Variants in RPL23 observed in about 807,000 individuals in gnomAD.
RPL23 encodes the protein ribosomal protein L23, also known as large ribosomal subunit protein uL14.
For synonymous variants in RPL23, 63 were observed against 65.3 expected (o/e 0.97, Z 0.17); for missense variants, 79 against 178.8 (o/e 0.44, Z 3.18).
chr17:38,852,818 G>A, intron 2 of RPL23, 86 bp from the exon 3 acceptor site: 1 of 1,590,900 alleles, frequency 6.3e-7, no homozygotes, highest in Non-Finnish European at 8.6e-7. Context: ...CACTTCCAAA[G>A]CCCCTCCCTC....
At chr17:38,852,386 C>CA in intron 3 of RPL23, 1 of 566,356 alleles carries the variant, frequency 1.8e-6, no homozygotes, top group East Asian at 3.1e-5. Context: ...CAAAACAAAA[C>CA]AAAACAAAAA....
rs999403289 is a variant in RPL23, at chr17:38,853,484, A to G, written c.13+214T>C. 6.9e-6 allele frequency: 5 copies of G among 723,848 alleles called. No homozygotes were observed. In the African/African-American group the frequency reaches 7.0e-5, roughly 10 times the overall value. 44.8% of individuals were successfully genotyped at this position (723,848 alleles called of 1,614,324 possible). A position where few individuals can be genotyped will look rare whatever the true frequency, so the allele number is the denominator to read the frequency against. ...TTCGCGGAGCGATCTCGCGGTATCCAGACTACATTCACGTCGGGATCCTGC... is the reference window on the plus strand; with the variant it reads ...TTCGCGGAGCGATCTCGCGGTATCCGGACTACATTCACGTCGGGATCCTGC... On this transcript the variant is annotated intron_variant, in intron 1 of 4. Transcript: ENST00000479035.
At chr17:38,850,268 A>C in intron 4 of RPL23, 54 bp from the exon 5 acceptor site, 1 of 1,555,038 alleles carries the variant, frequency 6.4e-7, no homozygotes, top group Non-Finnish European at 8.8e-7. Flanking sequence ...GGACAGATTA[A>C]GACATCGTCA....
rs1912953710 is a variant in RPL23, at chr17:38,849,945, C to T, written c.*187G>A. On this transcript the variant is annotated 3_prime_UTR_variant, in exon 5 of 5. Coordinates refer to ENST00000479035, the MANE Select transcript of RPL23 (RefSeq NM_000978.4). ...GTCGTTTGGCAAACATGGTGAAACCCTGTCTCCACCAAAAATACAAAAACT... is the reference window on the plus strand; with the variant it reads ...GTCGTTTGGCAAACATGGTGAAACCTTGTCTCCACCAAAAATACAAAAACT... The T allele has an allele frequency of 1.9e-6, 1 of 516,118 alleles. No individual in the cohort carries two copies. The allele number at this position is 516,118 out of a possible 1,614,324, so 32.0% of individuals were successfully genotyped here.
rs752910779 is a variant in RPL23 at position 38,852,574 on chromosome 17, A to C, written c.226+30T>G. 7 of 1,610,520 alleles carry C rather than the reference A, an allele frequency of 4.3e-6. No individual in the cohort carries two copies. The Admixed American group carries it at 1.2e-4, about 27-fold the overall frequency. On this transcript the variant is annotated intron_variant, in intron 3 of 4. Transcript: ENST00000479035. ...GGAAAGCGTCCCCCCACTACTCATC[A>C]GTATTAAGGTGGGCTCAGTGTTTAC...
intron 4 of RPL23, 58 bp from the exon 5 acceptor site, chr17:38,850,272 A>G (rs1567686310): frequency 1.9e-6 from 3 of 1,550,082 alleles, no homozygotes; most frequent in African/African-American, 1.4e-5. Flanking sequence ...AGATTAAGAC[A>G]TCGTCAAACA....
chr17:38,851,261 A>T (rs989406560), intron 3 of RPL23: 4 of 152,334 alleles, frequency 2.6e-5, no homozygotes, highest in South Asian at 2.1e-4. Context: ...CAAAAAATAG[A>T]TAAGTCTAAC....
rs932713158 is a variant in RPL23, at chr17:38,847,943, A to G, written c.*2189T>C. 1 of 1,543,338 alleles carries G rather than the reference A, an allele frequency of 6.5e-7. No homozygotes were observed. The highest frequency in any genetic ancestry group is 8.7e-7 in the Non-Finnish European group (1 of 1,144,678). On this transcript the variant is annotated 3_prime_UTR_variant, in exon 5 of 5. Transcript: ENST00000479035. ...TGTGAGGTGGGATGCAGTGGCTCAC[A>G]CTTGTAATTGCAGCCCTTTGAAGGC...
intron 1 of RPL23, 91 bp downstream of exon 1, chr17:38,853,607 G>A (rs901329026): frequency 1.3e-5 from 20 of 1,516,146 alleles, no homozygotes; most frequent in Non-Finnish European, 1.8e-5. Flanking sequence ...GGAGAGCAAA[G>A]CGCCCCAGCT....
chr17:38,850,724 C>A, intron 3 of RPL23: 1 of 406,018 alleles, frequency 2.5e-6, no homozygotes, highest in Admixed American at 4.2e-5. Context: ...GCCTGGCCTC[C>A]CAAAGTGCTG....
rs1173230823 is a variant in RPL23 at position 38,849,041 on chromosome 17, C to A, written c.*1091G>T. The A allele has an allele frequency of 6.6e-6, 1 of 152,128 alleles. No homozygotes were observed. Among genetic ancestry groups the A allele is most frequent in the Non-Finnish European group, 1.5e-5 (1 of 68,018 alleles). 9.4% of individuals were successfully genotyped at this position (152,128 alleles called of 1,614,324 possible). A position where few individuals can be genotyped will look rare whatever the true frequency, so the allele number is the denominator to read the frequency against. Reference sequence around the variant, plus strand: ...GTCCCTTATTATCAGCGCTTTATGCCTGTTCAGTTGGCAAAAATTTACCAC... The same window carrying A: ...GTCCCTTATTATCAGCGCTTTATGCATGTTCAGTTGGCAAAAATTTACCAC... On this transcript the variant is annotated 3_prime_UTR_variant, in exon 5 of 5. Transcript: ENST00000479035.
intron 3 of RPL23, chr17:38,850,708 T>G (rs1202056607): frequency 6.6e-5 from 28 of 424,356 alleles, no homozygotes; most frequent in Non-Finnish European, 6.8e-5. Context: ...TTTGCCATGT[T>G]GGCAAGCCTG....
chr17:38,849,596 A>T lies in RPL23; in HGVS notation c.*536T>A, dbSNP rs1481691430. 3 of 152,368 alleles carry T rather than the reference A, an allele frequency of 2.0e-5. No homozygotes were observed. The highest frequency in any genetic ancestry group is 4.8e-5 in the African/African-American group (2 of 41,446). The allele number at this position is 152,368 out of a possible 1,614,324, so 9.4% of individuals were successfully genotyped here. On this transcript the variant is annotated 3_prime_UTR_variant, in exon 5 of 5. Transcript: ENST00000479035. ...CATGATCTGCCTGCCTTGGCCTCCG[A>T]AAGTGTTGGGATTACAGGTGCCAGC...
rs1366574019 is a variant in RPL23 at position 38,849,890 on chromosome 17, T to TG, written c.*241dup. 3.5e-5 allele frequency: 14 copies of TG among 399,688 alleles called. No homozygotes were observed. The highest frequency in any genetic ancestry group is 4.5e-6 in the Non-Finnish European group (1 of 224,422). 24.8% of individuals were successfully genotyped at this position (399,688 alleles called of 1,614,324 possible). ...GTCAAAAACACTGTAGAGGCCTGGG[T>TG]GGGCAGATCACTTGAGATCAGGAGT... On this transcript the variant is annotated 3_prime_UTR_variant, in exon 5 of 5. Transcript: ENST00000479035.
At chr17:38,850,288 G>A in intron 4 of RPL23, 74 bp from the exon 5 acceptor site, 1 of 1,548,500 alleles carries the variant, frequency 6.5e-7, no homozygotes, top group Non-Finnish European at 8.9e-7. Flanking sequence ...AAACACAGAA[G>A]ATCCTTGGCC....
intron 1 of RPL23, 68 bp downstream of exon 1, chr17:38,853,630 C>T (rs1413794044): frequency 1.2e-6 from 2 of 1,604,444 alleles, no homozygotes; most frequent in African/African-American, 1.3e-5. Flanking sequence ...CTAGGGCCAC[C>T]GCTCCTGACG....
chr17:38,850,661 T>G, intron 3 of RPL23, 186 bp from the exon 4 acceptor site: 2 of 494,812 alleles, frequency 4.0e-6, no homozygotes, highest in Non-Finnish European at 3.5e-6. Flanking sequence ...CACACTACCA[T>G]GCCCAGATTT....
chr17:38,852,316 G>T, intron 3 of RPL23: 1 of 322,228 alleles, frequency 3.1e-6, no homozygotes. Flanking sequence ...AGTGAGCCAA[G>T]ATCGTGCCAT....
In RPL23 at chr17:38,848,142, C is replaced by T. The variant is rs1341234878; in HGVS notation, c.*1990G>A. 9 of 1,370,934 alleles carry T rather than the reference C, an allele frequency of 6.6e-6. No individual in the cohort carries two copies. The highest frequency in any genetic ancestry group is 3.0e-5 in the Admixed American group (1 of 33,232). The allele number at this position is 1,370,934 out of a possible 1,614,324, so 84.9% of individuals were successfully genotyped here. On this transcript the variant is annotated 3_prime_UTR_variant, in exon 5 of 5. Coordinates refer to ENST00000479035, the MANE Select transcript of RPL23 (RefSeq NM_000978.4). ...CATATATTGCCATAATATATAAAGA[C>T]ATAAATGGTGGGCCTAGGGGCTTGT...
Sources: allele counts gnomAD v4.1 joint callset, GRCh38; gene constraint gnomAD v4.1.1; transcripts MANE v1.5; gene names NCBI Gene and HGNC (gene_info 2026-07-23, HGNC 2026-07-21).